NYAP2: variants seen among roughly 807,000 people sequenced by gnomAD.
NYAP2 encodes the protein neuronal tyrosine-phosphorylated phosphoinositide-3-kinase adapter 2.
A neutral mutation model predicts 50.4 loss-of-function variants in NYAP2; 23 were observed. The observed-to-expected ratio is 0.46, with a 90% CI of 0.33 to 0.65. The LOEUF is 0.65. Ranked by LOEUF, NYAP2 falls within the 30% of genes least tolerant of loss-of-function variation. NYAP2 has a pLI of 0.02. For synonymous variants in NYAP2, 394 were observed against 365.2 expected (o/e 1.08, Z -0.90); for missense variants, 885 against 861.0 (o/e 1.03, Z -0.35).
chr2:225,500,142 A>T (rs1450987361), intron 3 of NYAP2, among the ~76,000 whole-genome samples: 1 of 152,228 alleles, frequency 6.6e-6, no homozygotes, highest in Non-Finnish European at 1.5e-5. Context: ...GGGACCTCTC[A>T]TTGGAGAACA....
chr2:225,688,901 C>T, the NYAP2 span, among the ~76,000 whole-genome samples: 1 of 152,106 alleles, frequency 6.6e-6, no homozygotes, highest in Non-Finnish European at 1.5e-5. Flanking sequence ...CACCACCGTG[C>T]CTGGCTAATT....
At chr2:225,563,507 A>G (rs1302178039) in intron 4 of NYAP2, among the ~76,000 whole-genome samples, 2 of 152,136 alleles carry the variant, frequency 1.3e-5, no homozygotes, top group Non-Finnish European at 2.9e-5. Context: ...AAGCCAGGTC[A>G]TAGAAGGCTA....
At chr2:225,579,182 C>T (rs1033768571) in intron 4 of NYAP2, among the ~76,000 whole-genome samples, 8 of 151,754 alleles carry the variant, frequency 5.3e-5, no homozygotes, top group African/African-American at 1.9e-4. Flanking sequence ...TGACCTCATC[C>T]AAGCCTAATT....
At chr2:225,428,441 T>A (rs1001843792) in intron 3 of NYAP2, among the ~76,000 whole-genome samples, 2 of 152,228 alleles carry the variant, frequency 1.3e-5, no homozygotes, top group Non-Finnish European at 2.9e-5. Flanking sequence ...TTTCAGATAG[T>A]AATAATTTGA....
chr2:225,637,842 C>T (rs1037673948), intron 6 of NYAP2, among the ~76,000 whole-genome samples: 3 of 152,132 alleles, frequency 2.0e-5, no homozygotes, highest in Non-Finnish European at 4.4e-5. Flanking sequence ...ATGGTCAAAG[C>T]ATGTCTTTCT....
chr2:225,666,405 G>A, the NYAP2 span, among the ~76,000 whole-genome samples: 1 of 152,152 alleles, frequency 6.6e-6, no homozygotes, highest in African/African-American at 2.4e-5. Flanking sequence ...GGGGTCCTGA[G>A]AATATTTCCC....
chr2:225,478,877 A>G (rs144377768), intron 3 of NYAP2, among the ~76,000 whole-genome samples: 1 of 152,206 alleles, frequency 6.6e-6, no homozygotes, highest in Admixed American at 6.5e-5. Flanking sequence ...GTATAGGAGC[A>G]TGATCTGAAT....
At chr2:225,412,646 T>C (rs1205863529) in intron 3 of NYAP2, among the ~76,000 whole-genome samples, 1 of 152,064 alleles carries the variant, frequency 6.6e-6, no homozygotes, top group Non-Finnish European at 1.5e-5. Flanking sequence ...CTGAGAATAG[T>C]AGAAAAAGAA....
chr2:225,454,885 A>T (rs898337613), intron 3 of NYAP2, among the ~76,000 whole-genome samples: 1 of 152,104 alleles, frequency 6.6e-6, no homozygotes, highest in African/African-American at 2.4e-5. Flanking sequence ...AAGATTTCAG[A>T]TGGAATTAGG....
At chr2:225,434,555 C>T (rs1559178615) in intron 3 of NYAP2, among the ~76,000 whole-genome samples, 1 of 152,150 alleles carries the variant, frequency 6.6e-6, no homozygotes, top group South Asian at 2.1e-4. Context: ...CCACTCTGTG[C>T]CCATGTTATT....
chr2:225,519,255 T>G (rs1255179435), intron 4 of NYAP2, among the ~76,000 whole-genome samples: 4 of 151,556 alleles, frequency 2.6e-5, no homozygotes, highest in Admixed American at 2.6e-4. Flanking sequence ...ATTTTATTTT[T>G]TTATTTTTTA....
chr2:225,661,730 T>C, the NYAP2 span, among the ~76,000 whole-genome samples: 1 of 151,504 alleles, frequency 6.6e-6, no homozygotes, highest in Non-Finnish European at 1.5e-5. Context: ...CTCTCTCTTT[T>C]TTTTTTTTTC....
At chr2:225,513,345 G>A in intron 3 of NYAP2, 26 bp from the exon 4 acceptor site, 1 of 1,611,684 alleles carries the variant, frequency 6.2e-7, no homozygotes, top group Non-Finnish European at 8.5e-7. Flanking sequence ...TTGTCTTCAT[G>A]GTTTTTGGTC....
rs933257675 is a variant in NYAP2, at chr2:225,612,767, C to T, written c.1619-14150C>T. ...CCCCCCCCTTACAATCTCATCTAAA[C>T]CTAATTATCTACCAGAAGCCCCACC... On this transcript the variant is annotated intron_variant, in intron 5 of 6. Coordinates refer to ENST00000636099, the Ensembl canonical transcript of NYAP2. Among the ~76,000 whole-genome samples the T allele has an allele frequency of 1.0e-4, 5 of 48,302 alleles. No individual in the cohort carries two copies. In the Admixed American group the frequency reaches 1.1e-3, roughly 11 times the overall value. 31.7% of individuals were successfully genotyped at this position (48,302 alleles called of 152,430 possible).
chr2:225,417,051 A>G (rs1262094225), intron 3 of NYAP2, among the ~76,000 whole-genome samples: 4 of 152,200 alleles, frequency 2.6e-5, no homozygotes, highest in Non-Finnish European at 5.9e-5. Flanking sequence ...GTTGAGGTCT[A>G]TTTTTTATAT....
chr2:225,683,047 G>A, the NYAP2 span, among the ~76,000 whole-genome samples: 1 of 152,030 alleles, frequency 6.6e-6, no homozygotes, highest in East Asian at 1.9e-4. Context: ...ACTCTTCCCA[G>A]TATTATTCCT....
Position 225,436,739 on chromosome 2 carries a change from CAA to C in NYAP2, c.221+27657_221+27658del, listed in dbSNP as rs755609110. Among the ~76,000 whole-genome samples, 386 of 109,362 alleles carry C rather than the reference CAA, an allele frequency of 3.5e-3. 2 individuals carry two copies. The highest frequency in any genetic ancestry group is 7.9e-3 in the African/African-American group (260 of 33,002). The allele number at this position is 109,362 out of a possible 152,430, so 71.7% of individuals were successfully genotyped here. ...CTCTGATAGTTTTCTTCTGTATAGTCAAAAAAAAAAAAAAAAAAAAGAGAGAA... is the reference window on the plus strand; with the variant it reads ...CTCTGATAGTTTTCTTCTGTATAGTCAAAAAAAAAAAAAAAAAAGAGAGAA... On this transcript the variant is annotated intron_variant, in intron 3 of 6. Transcript: ENST00000636099.
chr2:225,615,128 C>G (rs530194725), intron 5 of NYAP2, among the ~76,000 whole-genome samples: 1 of 152,174 alleles, frequency 6.6e-6, no homozygotes, highest in South Asian at 2.1e-4. Context: ...ATGGCTAGAC[C>G]TCGGTTATAC....
chr2:225,522,066 G>T (rs896805261), intron 4 of NYAP2, among the ~76,000 whole-genome samples: 3 of 152,114 alleles, frequency 2.0e-5, no homozygotes, highest in African/African-American at 7.2e-5. Context: ...TTGCATAGAG[G>T]TGTTTGTAGT....
Sources: allele counts gnomAD v4.1 joint callset (sites outside exome capture counted in the v4.1 genomes callset), GRCh38; gene constraint gnomAD v4.1.1; transcripts MANE v1.5; gene names NCBI Gene and HGNC (gene_info 2026-07-23, HGNC 2026-07-21).